Variants in MYT1L observed in about 807,000 individuals in gnomAD.
MYT1L encodes the protein myelin transcription factor 1-like protein.
Under a neutral mutation model 126.7 loss-of-function variants are expected in MYT1L, and 12 were observed. The ratio of observed to expected loss-of-function variants is 0.09; its 90% CI spans 0.06 to 0.15. The LOEUF (loss-of-function observed/expected upper bound fraction) is 0.15. Ranked by LOEUF, MYT1L falls within the 10% of genes least tolerant of loss-of-function variation. The pLI, the probability that MYT1L is intolerant of heterozygous loss-of-function variation, is 1.00. For synonymous variants in MYT1L, 541 were observed against 604.2 expected (o/e 0.90, Z 1.53); for missense variants, 979 against 1,585.2 (o/e 0.62, Z 6.49).
intron 3 of MYT1L, among the ~76,000 whole-genome samples, chr2:2,169,988 T>C (rs982932653): frequency 2.0e-5 from 3 of 152,194 alleles, no homozygotes; most frequent in African/African-American, 7.2e-5. Flanking sequence ...TCTTGAAATC[T>C]TTTGAGTCTC....
chr2:2,226,287 C>T (rs888702684), intron 2 of MYT1L, among the ~76,000 whole-genome samples: 5 of 152,146 alleles, frequency 3.3e-5, no homozygotes, highest in Non-Finnish European at 7.3e-5. Flanking sequence ...TCGTATCAGC[C>T]TGTGCCTTCC....
intron 23 of MYT1L, among the ~76,000 whole-genome samples, chr2:1,798,429 G>C (rs1277721613): frequency 2.0e-5 from 3 of 152,164 alleles, no homozygotes; most frequent in African/African-American, 4.8e-5. Context: ...TGACCCTACC[G>C]TTCTTTCCTC....
chr2:2,157,597 G>A (rs2086935562), intron 3 of MYT1L, among the ~76,000 whole-genome samples: 1 of 152,154 alleles, frequency 6.6e-6, no homozygotes, highest in Non-Finnish European at 1.5e-5. Flanking sequence ...GAGAAAGTCA[G>A]ATGATACATG....
chr2:1,896,747 A>G (rs904807128), intron 14 of MYT1L, among the ~76,000 whole-genome samples: 3 of 152,170 alleles, frequency 2.0e-5, no homozygotes, highest in African/African-American at 7.2e-5. Flanking sequence ...CCTGGGTGCA[A>G]TATGCCCGTG....
rs191820268 is a variant in MYT1L at position 1,887,598 on chromosome 2, C to T, written c.2532G>A (p.Leu844=). Residue 844 remains leucine, a synonymous_variant, in exon 17 of 25, where the codon TTG becomes TTA. Transcript: ENST00000647738. The surrounding 1 kb of genome is among the most constrained non-coding windows in gnomAD (Gnocchi z 4.8). ...DESKDITPED[L]DPFQEALEER... The stretch of plus-strand genomic sequence containing the variant: ...CTTCTAGAGCCTCCTGGAATGGGTC[C>T]AAGTCTTCTGGCTGTGGGCAAAACA... 3,561 of 1,613,990 alleles carry T rather than the reference C, an allele frequency of 2.2e-3. 10 individuals carry two copies. Among genetic ancestry groups the T allele is most frequent in the Non-Finnish European group, 2.7e-3 (3,157 of 1,179,896 alleles).
intron 4 of MYT1L, among the ~76,000 whole-genome samples, chr2:2,032,375 T>C (rs2066416739): frequency 1.3e-5 from 1 of 78,788 alleles, no homozygotes; most frequent in African/African-American, 6.2e-5. Context: ...GTGCCTCTCA[T>C]CCTGTGGCCC....
At chr2:1,927,911 C>T (rs1253602143) in intron 9 of MYT1L, among the ~76,000 whole-genome samples, 1 of 130,764 alleles carries the variant, frequency 7.6e-6, no homozygotes, top group Non-Finnish European at 1.6e-5. Flanking sequence ...ATAGCAATCG[C>T]AATGATAAGG....
rs2051717984 is a variant in MYT1L, at chr2:1,910,114, C to G, written c.1817+126G>C. ...GGGGTCCTGGCCCCGGCTTCCAGCACAGCCCCGCCCTCCAGTCCCTGCCCC... is the reference window on the plus strand; with the variant it reads ...GGGGTCCTGGCCCCGGCTTCCAGCAGAGCCCCGCCCTCCAGTCCCTGCCCC... On this transcript the variant is annotated intron_variant, in intron 13 of 24. Transcript: ENST00000647738. This position sits in a 1 kb window ranked among gnomAD's most constrained non-coding sequence, Gnocchi z 4.8. 2 of 848,356 alleles carry G rather than the reference C, an allele frequency of 2.4e-6. No individual in the cohort carries two copies. Among genetic ancestry groups the G allele is most frequent in the Non-Finnish European group, 3.7e-6 (2 of 543,830 alleles). The allele number at this position is 848,356 out of a possible 1,614,324, so 52.6% of individuals were successfully genotyped here.
At position 1,956,275 on chromosome 2, in the gene MYT1L, TCTAC is replaced by T. The variant is rs967265841; in HGVS notation, c.153-12945_153-12942del. Among the ~76,000 whole-genome samples the T allele has an allele frequency of 1.1e-4, 16 of 141,610 alleles. 1 individual carries two copies. The highest frequency in any genetic ancestry group is 3.6e-4 in the African/African-American group (13 of 35,898). 92.9% of individuals were successfully genotyped at this position (141,610 alleles called of 152,430 possible). ...CTATATTTCCTATTCTATCTGTCTATCTACCTATCTATCATCTATCTATCCTATT... is the reference window on the plus strand; with the variant it reads ...CTATATTTCCTATTCTATCTGTCTATCTATCTATCATCTATCTATCCTATT... On this transcript the variant is annotated intron_variant, in intron 8 of 24. Transcript: ENST00000647738.
chr2:1,942,934 G>C, intron 9 of MYT1L, 48 bp downstream of exon 9: 1 of 1,486,922 alleles, frequency 6.7e-7, no homozygotes, highest in Non-Finnish European at 9.0e-7. Flanking sequence ...ACCTTGAACA[G>C]TGGACCCAAA....
intron 1 of MYT1L, among the ~76,000 whole-genome samples, chr2:2,317,008 G>A (rs1028893371): frequency 7.9e-5 from 12 of 151,120 alleles, no homozygotes; most frequent in African/African-American, 2.2e-4. Flanking sequence ...TAATAGAGAC[G>A]GAGTTTAACC....
At chr2:2,286,659 G>A (rs1443619052) in intron 1 of MYT1L, among the ~76,000 whole-genome samples, 1 of 152,140 alleles carries the variant, frequency 6.6e-6, no homozygotes, top group African/African-American at 2.4e-5. Flanking sequence ...TGGTCTAATG[G>A]GTTTAAGTGG....
chr2:1,887,614 G>A lies in MYT1L; in HGVS notation c.2521-5C>T, dbSNP rs1236464096. Reference sequence around the variant, plus strand: ...GAATGGGTCCAAGTCTTCTGGCTGTGGGCAAAACACAGCTTCAGAGCCACA... The same window carrying A: ...GAATGGGTCCAAGTCTTCTGGCTGTAGGCAAAACACAGCTTCAGAGCCACA... On this transcript the variant is annotated splice_polypyrimidine_tract_variant and splice_region_variant and intron_variant, in intron 16 of 24. Coordinates refer to ENST00000647738, the MANE Select transcript of MYT1L (RefSeq NM_001303052.2). This position sits in a 1 kb window ranked among gnomAD's most constrained non-coding sequence, Gnocchi z 4.8. 4 of 1,613,856 alleles carry A rather than the reference G, an allele frequency of 2.5e-6. No individual in the cohort carries two copies. Among genetic ancestry groups the A allele is most frequent in the African/African-American group, 2.7e-5 (2 of 74,920 alleles).
chr2:2,302,615 T>C (rs1428813298), intron 1 of MYT1L, among the ~76,000 whole-genome samples: 1 of 152,344 alleles, frequency 6.6e-6, no homozygotes, highest in Admixed American at 6.5e-5. Context: ...AATGAGTTCT[T>C]TCCGTCCCTA....
chr2:1,903,597 A>AT (rs2050628207), intron 13 of MYT1L, among the ~76,000 whole-genome samples: 1 of 152,088 alleles, frequency 6.6e-6, no homozygotes, highest in African/African-American at 2.4e-5. Flanking sequence ...ATGACATGAG[A>AT]TATGAGGATG....
intron 3 of MYT1L, among the ~76,000 whole-genome samples, chr2:2,127,950 A>G (rs552827567): frequency 6.6e-6 from 1 of 152,360 alleles, no homozygotes; most frequent in East Asian, 1.9e-4. Flanking sequence ...TCTCTCTAAA[A>G]TAAATGTATT....
chr2:2,241,539 G>A (rs1395023987), intron 2 of MYT1L, among the ~76,000 whole-genome samples: 2 of 152,184 alleles, frequency 1.3e-5, no homozygotes, highest in Non-Finnish European at 2.9e-5. Context: ...CTCCAGCCAC[G>A]TTGCTTTTAT....
At chr2:1,831,982 C>A (rs6712565) in intron 21 of MYT1L, among the ~76,000 whole-genome samples, 71,793 of 151,822 alleles carry the variant, frequency 0.47, 18,801 homozygotes, top group African/African-American at 0.71. Flanking sequence ...GGATATTCCC[C>A]CTTCAAAGTC....
rs140301296 is a variant in MYT1L, at chr2:2,068,014, C to A, written c.-303-13891G>T. ...CAATGTTTTTTGAAGTCTGACAATA[C>A]CAAATTTTGGAGAGATAAAAAGTGA... On this transcript the variant is annotated intron_variant, in intron 3 of 24. Coordinates refer to ENST00000647738, the MANE Select transcript of MYT1L (RefSeq NM_001303052.2). Among the ~76,000 whole-genome samples the A allele has an allele frequency of 7.6e-3, 1,158 of 152,042 alleles. 16 individuals are homozygous for A. Among genetic ancestry groups the A allele is most frequent in the African/African-American group, 0.027 (1,112 of 41,462 alleles).
Sources: allele counts gnomAD v4.1 joint callset (sites outside exome capture counted in the v4.1 genomes callset), GRCh38; gene constraint gnomAD v4.1.1; non-coding constraint Gnocchi (gnomAD v3.1); transcripts MANE v1.5; gene names NCBI Gene and HGNC (gene_info 2026-07-23, HGNC 2026-07-21).